MYO5C: variants seen among roughly 807,000 people sequenced by gnomAD.
The protein encoded by MYO5C is myosin VC.
Under a neutral mutation model 235.7 loss-of-function variants are expected in MYO5C, and 194 were observed. That is an observed-to-expected ratio of 0.82 (90% CI 0.73 to 0.93). The LOEUF is 0.93. Ranked by LOEUF, MYO5C falls within the 40% of genes least tolerant of loss-of-function variation. The probability of loss-of-function intolerance (pLI) is 0.00; values close to 1 mark genes in which losing one functional copy is unlikely to be tolerated. For synonymous variants in MYO5C, 707 were observed against 754.8 expected, an observed-to-expected ratio of 0.94 and a Z score of 1.04; for missense variants, 2,038 against 2,127.2, an observed-to-expected ratio of 0.96 and a Z score of 0.82.
intron 38 of MYO5C, among the ~76,000 whole-genome samples, chr15:52,202,117 C>G (rs974315614): frequency 6.6e-6 from 1 of 152,072 alleles, no homozygotes; most frequent in Non-Finnish European, 1.5e-5. Context: ...TAGATTCCAG[C>G]CTGAGCAACA....
chr15:52,285,751 G>A (rs1021588702), intron 1 of MYO5C, among the ~76,000 whole-genome samples: 4 of 152,232 alleles, frequency 2.6e-5, no homozygotes, highest in Non-Finnish European at 5.9e-5. Flanking sequence ...GATTGCAGAC[G>A]GAGTGTCGTT....
At chr15:52,239,445 GCAACA>G (rs137927791) in intron 21 of MYO5C, among the ~76,000 whole-genome samples, 5,435 of 152,288 alleles carry the variant, frequency 0.036, 339 homozygotes, top group African/African-American at 0.12. Context: ...TTGCCTCAAG[GCAACA>G]CAACTTCACA....
intron 1 of MYO5C, among the ~76,000 whole-genome samples, chr15:52,288,178 C>T (rs2037315276): frequency 6.6e-6 from 1 of 152,070 alleles, no homozygotes; most frequent in Non-Finnish European, 1.5e-5. Flanking sequence ...AAATAACTCA[C>T]CAAACAGCAG....
At chr15:52,205,183 G>A (rs201816287) in intron 37 of MYO5C, 36 bp from the exon 38 acceptor site, 35 of 1,603,742 alleles carry the variant, frequency 2.2e-5, no homozygotes, top group African/African-American at 4.0e-5. Flanking sequence ...TGACACGCCA[G>A]GAGACACACG....
At chr15:52,291,739 T>TTTTTTTTTTTTTTTTTTG (rs2037396171) in intron 1 of MYO5C, among the ~76,000 whole-genome samples, 1 of 75,624 alleles carries the variant, frequency 1.3e-5, no homozygotes, top group Non-Finnish European at 2.8e-5. Flanking sequence ...ATGTTTTTTT[T>TTTTTTTTTTTTTTTTTTG]TTTTTTTTTT....
In MYO5C at chr15:52,261,143, C is replaced by T; in HGVS notation, c.1048-16G>A. ...TGTCATCCTCCTTCAAAAACAAGCA[C>T]AAGCCCCGTCAGGTGGCCCAGCCAT... On this transcript the variant is annotated splice_polypyrimidine_tract_variant and intron_variant, in intron 9 of 40. Coordinates refer to ENST00000261839, the MANE Select transcript of MYO5C (RefSeq NM_018728.4). 6.2e-7 allele frequency: 1 copy of T among 1,610,982 alleles called. No homozygotes were observed. The highest frequency in any genetic ancestry group is 8.5e-7 in the Non-Finnish European group (1 of 1,178,422).
intron 32 of MYO5C, among the ~76,000 whole-genome samples, chr15:52,214,921 C>G (rs531576211): frequency 1.3e-5 from 2 of 152,172 alleles, no homozygotes; most frequent in African/African-American, 4.8e-5. Context: ...GTGTCACTCT[C>G]TAGTTTCTCA....
chr15:52,281,861 G>T (rs1174910539), intron 2 of MYO5C, among the ~76,000 whole-genome samples: 1 of 152,180 alleles, frequency 6.6e-6, no homozygotes, highest in Non-Finnish European at 1.5e-5. Context: ...TACATGCTTT[G>T]TCAATTAATC....
At chr15:52,247,142 A>G in intron 15 of MYO5C, 128 bp from the exon 16 acceptor site, 1 of 757,030 alleles carries the variant, frequency 1.3e-6, no homozygotes, top group Non-Finnish European at 2.2e-6. Flanking sequence ...ATAAACACCT[A>G]TTATGAAAGG....
intron 14 of MYO5C, 100 bp downstream of exon 14, chr15:52,248,600 A>C: frequency 1.2e-6 from 1 of 843,400 alleles, no homozygotes; most frequent in Non-Finnish European, 2.0e-6. Flanking sequence ...ACACACACAC[A>C]CACACACTCT....
At chr15:52,210,378 A>G (rs1369863305) in intron 35 of MYO5C, among the ~76,000 whole-genome samples, 1 of 152,222 alleles carries the variant, frequency 6.6e-6, no homozygotes, top group Non-Finnish European at 1.5e-5. Context: ...CCTAATATCA[A>G]ACATCACTTC....
At chr15:52,251,574 G>A (rs1191797390) in intron 12 of MYO5C, 59 bp from the exon 13 acceptor site, 2 of 1,420,358 alleles carry the variant, frequency 1.4e-6, no homozygotes, top group African/African-American at 2.9e-5. Flanking sequence ...ATACAGGTGA[G>A]GAAAAGCACT....
chr15:52,211,200 C>T (rs2035434911), intron 35 of MYO5C, among the ~76,000 whole-genome samples: 1 of 152,200 alleles, frequency 6.6e-6, no homozygotes, highest in South Asian at 2.1e-4. Flanking sequence ...AAAGAAAAAT[C>T]CTCCATCTTC....
chr15:52,246,849 A>G, intron 16 of MYO5C, 68 bp downstream of exon 16: 1 of 1,346,994 alleles, frequency 7.4e-7, no homozygotes, highest in Non-Finnish European at 1.0e-6. Context: ...ATTGGAAGCA[A>G]ATTCTCCAAC....
At chr15:52,225,712 T>C (rs973450983) in intron 25 of MYO5C, among the ~76,000 whole-genome samples, 180 bp from the exon 26 acceptor site, 2 of 152,188 alleles carry the variant, frequency 1.3e-5, no homozygotes, top group Non-Finnish European at 2.9e-5. Context: ...TGAAGCATGC[T>C]TAACTACTCA....
intron 9 of MYO5C, among the ~76,000 whole-genome samples, chr15:52,263,936 G>A (rs1418440532): frequency 6.6e-6 from 1 of 152,090 alleles, no homozygotes; most frequent in East Asian, 1.9e-4. Flanking sequence ...GCACTTAGTA[G>A]GTGCTTCATA....
At position 52,269,795 on chromosome 15, in the gene MYO5C, G is replaced by A. The variant is rs1241157229; in HGVS notation, c.898C>T (p.Arg300Ter). 6 of 1,613,008 alleles carry A rather than the reference G, an allele frequency of 3.7e-6. No homozygotes were observed. Among genetic ancestry groups the A allele is most frequent in the African/African-American group, 1.3e-5 (1 of 74,622 alleles). Residue 300 changes from arginine to a stop codon, truncating the protein, a stop_gained, in exon 8 of 41, where the codon CGA (arginine) becomes TGA (stop). Transcript: ENST00000261839. LOFTEE classifies it high-confidence loss of function. ...GNTVIEGVNDRAEMVETQKTF... is the reference protein window; with the variant it reads ...GNTVIEGVND ...TTTTGAGTCTCTACCATTTCAGCTC[G>A]ATCATTCACACCCTCAATGACAGTA... is the stretch of plus-strand genomic sequence containing the variant.
chr15:52,227,256 G>C (rs2035848187), intron 25 of MYO5C, among the ~76,000 whole-genome samples: 1 of 136,290 alleles, frequency 7.3e-6, no homozygotes, highest in Non-Finnish European at 1.5e-5. Flanking sequence ...GTTCAGTGGT[G>C]CAATCTCGGC....
intron 1 of MYO5C, among the ~76,000 whole-genome samples, chr15:52,285,199 C>G (rs926796465): frequency 6.6e-6 from 1 of 152,078 alleles, no homozygotes; most frequent in Middle Eastern, 3.2e-3. Context: ...GAAACCCTGT[C>G]TCTACTAAAA....
Sources: gnomAD v4.1 joint callset for allele counts (sites outside exome capture counted in the v4.1 genomes callset) on GRCh38, gnomAD v4.1.1 for gene constraint, MANE v1.5 for transcripts, NCBI Gene and HGNC (gene_info 2026-07-23, HGNC 2026-07-21) for gene names.